Variants in SCN1A observed in about 807,000 individuals in gnomAD.
SCN1A encodes sodium voltage-gated channel alpha subunit 1.
SCN1A carries 13 observed loss-of-function variants against 193.7 expected under a neutral mutation model. That is an observed-to-expected ratio of 0.07 (90% CI 0.04 to 0.11). SCN1A has a LOEUF of 0.11. SCN1A is among the 10% of genes least tolerant of loss of function. The pLI is 1.00. For synonymous variants in SCN1A, 781 were observed against 843.6 expected (o/e 0.93, Z 1.29); for missense variants, 1,432 against 2,451.1 (o/e 0.58, Z 8.78).
chr2:166,043,662 T>C lies in SCN1A; in HGVS notation c.2043+7A>G. The C allele has an allele frequency of 2.5e-6, 4 of 1,612,810 alleles. No individual in the cohort carries two copies. In the South Asian group the frequency reaches 3.3e-5, roughly 13 times the overall value. On this transcript the variant is annotated splice_region_variant and intron_variant, in intron 14 of 28. Transcript: ENST00000674923. ...AGCCATGCCTGAACTATTTAAAACT[T>C]CCTTACATTGTCATCAGTAGCTGGC...
chr2:166,144,892 C>G (rs567956877), intron 1 of SCN1A, among the ~76,000 whole-genome samples: 9 of 151,424 alleles, frequency 5.9e-5, no homozygotes, highest in African/African-American at 2.2e-4. Context: ...CACTCTGTCG[C>G]CCAGGCTAGA....
intron 2 of SCN1A, among the ~76,000 whole-genome samples, chr2:166,103,175 G>A (rs879679749): frequency 2.0e-5 from 3 of 152,054 alleles, no homozygotes; most frequent in Non-Finnish European, 4.4e-5. Context: ...AGTAGGCTGG[G>A]CGCGGTGGCT....
intron 4 of SCN1A, among the ~76,000 whole-genome samples, chr2:166,066,346 T>G (rs1683840481): frequency 6.6e-6 from 1 of 152,162 alleles, no homozygotes; most frequent in African/African-American, 2.4e-5. Flanking sequence ...TGAGCCCAGC[T>G]TGATTACAAG....
downstream of SCN1A, chr2:165,985,287 G>A (rs1052603881): frequency 6.7e-6 from 1 of 149,882 alleles, no homozygotes; most frequent in African/African-American, 2.5e-5. Context: ...GAAGGAGAGG[G>A]AGAGAGGAAG....
chr2:166,126,399 A>G (rs963512509), intron 2 of SCN1A: 2 of 151,968 alleles, frequency 1.3e-5, no homozygotes, highest in African/African-American at 4.9e-5. Flanking sequence ...GAGGGAAAGA[A>G]GAATGTCAGA....
At chr2:165,998,236 G>T in intron 25 of SCN1A, 61 bp from the exon 26 acceptor site, 1 of 1,400,488 alleles carries the variant, frequency 7.1e-7, no homozygotes, top group Non-Finnish European at 9.9e-7. Flanking sequence ...AAATGTCACT[G>T]GTGCTTTTTC....
In SCN1A at chr2:166,040,540, A is replaced by G. The variant is rs75158430; in HGVS notation, c.2415+691T>C. On this transcript the variant is annotated intron_variant, in intron 16 of 28. Coordinates refer to ENST00000674923, the MANE Select transcript of SCN1A (RefSeq NM_001165963.4). ...TCTACCATCAAAAATCCTAAACTTC[A>G]AACCAAATATTACAGGAAATGCATA... Among the ~76,000 whole-genome samples the G allele has an allele frequency of 7.2e-3, 1,096 of 152,344 alleles. 15 individuals carry two copies. The highest frequency in any genetic ancestry group is 0.025 in the African/African-American group (1,041 of 41,580).
chr2:166,057,863 G>C (rs1223711634), intron 5 of SCN1A, among the ~76,000 whole-genome samples: 1 of 151,976 alleles, frequency 6.6e-6, no homozygotes, highest in Non-Finnish European at 1.5e-5. Flanking sequence ...AATGAATTTA[G>C]TCGTGGAGTC....
chr2:166,029,663 G>A (rs1037954647), intron 19 of SCN1A, among the ~76,000 whole-genome samples: 12 of 152,130 alleles, frequency 7.9e-5, no homozygotes, highest in Non-Finnish European at 1.3e-4. Context: ...AGAAGTAACT[G>A]CCCATCACCT....
intron 2 of SCN1A, among the ~76,000 whole-genome samples, chr2:166,095,063 C>A (rs1407957935): frequency 6.6e-6 from 1 of 152,088 alleles, no homozygotes; most frequent in Non-Finnish European, 1.5e-5. Context: ...AAATAGAAAA[C>A]AAACAAATAA....
At chr2:166,045,558 T>C (rs1697731126) in intron 12 of SCN1A, among the ~76,000 whole-genome samples, 2 of 152,202 alleles carry the variant, frequency 1.3e-5, no homozygotes, top group South Asian at 4.1e-4. Flanking sequence ...ATGTCTCTGT[T>C]AATGCTCCAC....
At position 165,992,178 on chromosome 2, in the gene SCN1A, A is replaced by C. The variant is rs770086266; in HGVS notation, c.5097T>G (p.Val1699=). 6.2e-7 allele frequency: 1 copy of C among 1,613,890 alleles called. No individual in the cohort carries two copies. Among genetic ancestry groups the C allele is most frequent in the Non-Finnish European group, 8.5e-7 (1 of 1,179,898 alleles). Residue 1699 remains valine (V), a synonymous_variant, in exon 29 of 29, where the codon GTT becomes GTG. Coordinates refer to ENST00000674923, the MANE Select transcript of SCN1A (RefSeq NM_001165963.4). This position sits in a 1 kb window ranked among gnomAD's most constrained non-coding sequence, Gnocchi z 6.5. The part of the protein sequence containing the change: ...MSNFAYVKRE[V]GIDDMFNFET... ...CAAAGTTGAACATGTCATCGATCCCAACTTCCCTCTTAACATAGGCAAAGT... is the reference window on the plus strand; with the variant it reads ...CAAAGTTGAACATGTCATCGATCCCCACTTCCCTCTTAACATAGGCAAAGT...
chr2:166,070,787 G>C (rs1189164957), intron 4 of SCN1A, among the ~76,000 whole-genome samples: 1 of 152,058 alleles, frequency 6.6e-6, no homozygotes, highest in Non-Finnish European at 1.5e-5. Flanking sequence ...AGATTGATTG[G>C]TTGTTCTGGT....
Position 166,043,707 on chromosome 2 carries a change from G to T in SCN1A, c.2005C>A (p.Pro669Thr). The T allele has an allele frequency of 6.2e-7, 1 of 1,614,044 alleles. No individual in the cohort carries two copies. The highest frequency in any genetic ancestry group is 1.1e-5 in the South Asian group (1 of 91,084). ...VPTSPVGQLL[P>T]EVIIDKPATD... ...GCTGGCTTATCTATTATCACCTCTGGCAGAAGCTGTCCAACAGGCGATGTA... is the reference window on the plus strand; with the variant it reads ...GCTGGCTTATCTATTATCACCTCTGTCAGAAGCTGTCCAACAGGCGATGTA... Residue 669 changes from proline to threonine, a missense_variant, in exon 14 of 29, where the codon CCA becomes ACA. By Grantham distance (38) the Pro-to-Thr change is conservative. Transcript: ENST00000674923.
At chr2:166,109,867 G>C (rs1054377166) in intron 2 of SCN1A, among the ~76,000 whole-genome samples, 1 of 152,084 alleles carries the variant, frequency 6.6e-6, no homozygotes, top group Admixed American at 6.6e-5. Flanking sequence ...TACTATGTGG[G>C]TGGTGGGGAG....
intron 24 of SCN1A, chr2:166,000,088 G>A: frequency 2.8e-6 from 1 of 352,802 alleles, no homozygotes; most frequent in Admixed American, 3.9e-5. Context: ...GCACTTTTTA[G>A]AAAGTCTTAC....
intron 19 of SCN1A, among the ~76,000 whole-genome samples, chr2:166,019,989 C>A (rs887153862): frequency 6.6e-6 from 1 of 151,016 alleles, no homozygotes; most frequent in African/African-American, 2.4e-5. Context: ...CGGCTCACTG[C>A]AAGCTCCGCC....
chr2:166,090,821 C>A (rs1381011940), intron 2 of SCN1A, among the ~76,000 whole-genome samples: 2 of 152,094 alleles, frequency 1.3e-5, no homozygotes, highest in African/African-American at 4.8e-5. Flanking sequence ...GTACTAAAGT[C>A]TAATATTTTA....
chr2:165,987,329 C>T lies in SCN1A; in HGVS notation c.*3916G>A, dbSNP rs1470377309. On this transcript the variant is annotated 3_prime_UTR_variant, in exon 29 of 29. Transcript: ENST00000674923. ...GTCTGCTGTATTTCTCCAAAGTATA[C>T]TTTCTTCTGTTTAAATTTTCTACTT... is the stretch of plus-strand genomic sequence containing the variant. 6 of 152,088 alleles carry T rather than the reference C, an allele frequency of 3.9e-5. No homozygotes were observed. The highest frequency in any genetic ancestry group is 3.9e-4 in the Admixed American group (6 of 15,240). 9.4% of individuals were successfully genotyped at this position (152,088 alleles called of 1,614,324 possible). A position where few individuals can be genotyped will look rare whatever the true frequency, so the allele number is the denominator to read the frequency against.
Sources: allele counts gnomAD v4.1 joint callset (sites outside exome capture counted in the v4.1 genomes callset), GRCh38; gene constraint gnomAD v4.1.1; non-coding constraint Gnocchi (gnomAD v3.1); transcripts MANE v1.5; gene names NCBI Gene and HGNC (gene_info 2026-07-23, HGNC 2026-07-21).